Variants in ITSN2 observed in about 807,000 individuals in gnomAD.
The protein encoded by ITSN2 is intersectin 2.
ITSN2 carries 156 observed loss-of-function variants against 243.7 expected under a neutral mutation model. The ratio of observed to expected loss-of-function variants is 0.64; its 90% CI spans 0.56 to 0.73. ITSN2 has a LOEUF of 0.73. Ranked by LOEUF, ITSN2 falls within the 30% of genes least tolerant of loss-of-function variation. The probability of loss-of-function intolerance (pLI) is 0.00; values close to 1 mark genes in which losing one functional copy is unlikely to be tolerated. For missense variants in ITSN2, 1,801 were observed against 1,996.1 expected, an observed-to-expected ratio of 0.90 and a Z score of 1.86; for synonymous variants, 703 against 699.9, an observed-to-expected ratio of 1.00 and a Z score of -0.07.
chr2:24,210,093 A>G (rs1669319395), intron 34 of ITSN2, 60 bp from the exon 35 acceptor site: 2 of 1,248,790 alleles, frequency 1.6e-6, no homozygotes, highest in Non-Finnish European at 2.3e-6. Context: ...AGTGCCCCTG[A>G]GAGGCCAGTG....
chr2:24,337,952 T>C (rs1161834043), intron 1 of ITSN2, among the ~76,000 whole-genome samples: 1 of 152,146 alleles, frequency 6.6e-6, no homozygotes, highest in African/African-American at 2.4e-5. Flanking sequence ...TCTCTATGAA[T>C]GTAAACCAAA....
At chr2:24,235,241 T>C (rs979224982) in intron 29 of ITSN2, among the ~76,000 whole-genome samples, 4 of 152,174 alleles carry the variant, frequency 2.6e-5, no homozygotes, top group African/African-American at 9.7e-5. Flanking sequence ...GAAAAGGCTA[T>C]GTACTGTGTG....
upstream of ITSN2, among the ~76,000 whole-genome samples, chr2:24,361,122 A>G (rs925283560): frequency 6.6e-6 from 1 of 152,080 alleles, no homozygotes; most frequent in Admixed American, 6.5e-5. Flanking sequence ...CCTCCATAAC[A>G]CACGCGGAGC....
At chr2:24,258,853 C>G (rs896388187) in intron 22 of ITSN2, among the ~76,000 whole-genome samples, 1 of 152,126 alleles carries the variant, frequency 6.6e-6, no homozygotes, top group African/African-American at 2.4e-5. Context: ...TCTTCCAAAC[C>G]CTTATTCCTC....
Position 24,298,822 on chromosome 2 carries a change from A to T in ITSN2, c.1345-8T>A. ...AAGTTCCTGTTTTGCTGCCTGAAAAAAAAAAGGAATTATACTTAATTTTTA... is the reference window on the plus strand; with the variant it reads ...AAGTTCCTGTTTTGCTGCCTGAAAATAAAAAGGAATTATACTTAATTTTTA... On this transcript the variant is annotated splice_region_variant and splice_polypyrimidine_tract_variant and intron_variant, in intron 12 of 39. Coordinates refer to ENST00000355123, the MANE Select transcript of ITSN2 (RefSeq NM_006277.3). The T allele has an allele frequency of 3.2e-6, 5 of 1,577,674 alleles. No individual in the cohort carries two copies. The highest frequency in any genetic ancestry group is 4.3e-6 in the Non-Finnish European group (5 of 1,170,838).
Position 24,205,217 on chromosome 2 carries a change from T to G in ITSN2, c.4759A>C (p.Asn1587His). ...EATELKACKPNGKSNPYCEIS... is the reference protein window; with the variant it reads ...EATELKACKPHGKSNPYCEIS... ...AATGAATCAAGGCAGTATTTACCAT[T>G]TGGTTTGCAGGCTTTTAATTCTGTA... Residue 1587 changes from asparagine to histidine, a missense_variant, in exon 38 of 40, where the codon AAT becomes CAT. By Grantham distance (68) the Asn-to-His change is moderately conservative. Around this residue, in one of 5 missense-constraint regions of ITSN2, gnomAD observed 928 missense variants for 1,065.4 expected, o/e 0.87. Transcript: ENST00000355123. 1 of 1,613,434 alleles carries G rather than the reference T, an allele frequency of 6.2e-7. No homozygotes were observed. The highest frequency in any genetic ancestry group is 1.1e-5 in the South Asian group (1 of 91,072).
intron 1 of ITSN2, among the ~76,000 whole-genome samples, chr2:24,331,124 T>C (rs1163035533): frequency 6.7e-6 from 1 of 148,976 alleles, no homozygotes; most frequent in African/African-American, 2.5e-5. Flanking sequence ...CAAGCTGGAA[T>C]GCAATGGCGC....
At chr2:24,329,405 G>A (rs540812965) in intron 1 of ITSN2, among the ~76,000 whole-genome samples, 4 of 152,214 alleles carry the variant, frequency 2.6e-5, no homozygotes, top group East Asian at 1.9e-4. Context: ...GTCTACAGGC[G>A]CACATCACCA....
At chr2:24,238,547 C>T (rs1313695144) in intron 29 of ITSN2, among the ~76,000 whole-genome samples, 1 of 152,130 alleles carries the variant, frequency 6.6e-6, no homozygotes, top group Admixed American at 6.6e-5. Flanking sequence ...TTATTTTGTA[C>T]TAAAAGTCTT....
At chr2:24,313,619 A>G in intron 3 of ITSN2, 96 bp from the exon 4 acceptor site, 1 of 731,070 alleles carries the variant, frequency 1.4e-6, no homozygotes, top group East Asian at 2.9e-5. Context: ...ATGATTTATT[A>G]TAATTTTAAT....
intron 32 of ITSN2, among the ~76,000 whole-genome samples, chr2:24,213,231 A>T (rs1558432291): frequency 6.6e-6 from 1 of 151,378 alleles, no homozygotes; most frequent in Non-Finnish European, 1.5e-5. Context: ...CCTTTCCATG[A>T]CCCTCCCTGG....
chr2:24,313,394 T>A, intron 4 of ITSN2, 66 bp downstream of exon 4: 1 of 1,308,860 alleles, frequency 7.6e-7, no homozygotes, highest in South Asian at 1.3e-5. Flanking sequence ...CAATTTTATG[T>A]TAACACTATA....
Position 24,345,726 on chromosome 2 carries a change from G to A in ITSN2, c.-34+14578C>T, listed in dbSNP as rs1451660453. ...TCTTTTTCTATGCATTACAATAATAGATATTATATTAATAGTAAGCTTTTA... is the reference window on the plus strand; with the variant it reads ...TCTTTTTCTATGCATTACAATAATAAATATTATATTAATAGTAAGCTTTTA... On this transcript the variant is annotated intron_variant, in intron 1 of 39. Transcript: ENST00000355123. 2.2e-4 allele frequency among the ~76,000 whole-genome samples: 33 copies of A among 151,782 alleles called. 1 individual carries two copies. The highest frequency in any genetic ancestry group is 2.2e-3 in the Admixed American group (33 of 15,264).
intron 10 of ITSN2, 83 bp from the exon 11 acceptor site, chr2:24,301,322 C>A (rs1342324514): frequency 1.7e-5 from 12 of 720,822 alleles, no homozygotes; most frequent in South Asian, 2.2e-5. Context: ...GTGATTATGG[C>A]AATTTGATAT....
chr2:24,288,495 T>C (rs773667288), intron 15 of ITSN2, among the ~76,000 whole-genome samples: 3 of 152,162 alleles, frequency 2.0e-5, no homozygotes, highest in African/African-American at 7.2e-5. Context: ...ATTAACATAA[T>C]GTGTATGTTA....
chr2:24,346,674 A>G (rs182947957), intron 1 of ITSN2, among the ~76,000 whole-genome samples: 18 of 152,222 alleles, frequency 1.2e-4, no homozygotes, highest in Admixed American at 1.1e-3. Context: ...ACATGAAGGG[A>G]TATATGGGAA....
rs549101319 is a variant in ITSN2, at chr2:24,285,946, G to T, written c.1863+266C>A. On this transcript the variant is annotated intron_variant, in intron 16 of 39. Transcript: ENST00000355123. ...TTCTGTAATACTGACAAAGGCAATT[G>T]TTCTGGAAATGTATAGATGCCAAGA... Among the ~76,000 whole-genome samples the T allele has an allele frequency of 3.2e-3, 484 of 152,264 alleles. 13 individuals are homozygous for T. The highest frequency in any genetic ancestry group is 8.5e-4 in the Non-Finnish European group (58 of 68,020).
chr2:24,284,677 C>T, intron 17 of ITSN2, 86 bp downstream of exon 17: 1 of 779,766 alleles, frequency 1.3e-6, no homozygotes, highest in Non-Finnish European at 2.2e-6. Flanking sequence ...CAAAGATACT[C>T]AGATAAAGGC....
At chr2:24,358,044 C>T (rs944538490) in intron 1 of ITSN2, among the ~76,000 whole-genome samples, 5 of 152,050 alleles carry the variant, frequency 3.3e-5, no homozygotes, top group African/African-American at 9.7e-5. Context: ...CTCCTGAGTA[C>T]CTGGGACTAC....
Sources: gnomAD v4.1 joint callset for allele counts (sites outside exome capture counted in the v4.1 genomes callset) on GRCh38, gnomAD v4.1.1 for gene constraint, gnomAD v4.1.1 regional missense constraint, MANE v1.5 for transcripts, NCBI Gene and HGNC (gene_info 2026-07-23, HGNC 2026-07-21) for gene names.